The following ATRX variants were observed in gnomAD, a reference collection of about 807,000 sequenced individuals.
The protein encoded by ATRX is chromatin remodeler ATRX.
In ATRX, 12 loss-of-function variants were observed where a neutral mutation model predicts 172.6. The observed-to-expected ratio is 0.07, with a 90% confidence interval of 0.04 to 0.11. The LOEUF is 0.11. Among genes scored for constraint, ATRX ranks in the 10% least tolerant of loss-of-function variants. The probability of loss-of-function intolerance (pLI) is 1.00; values close to 1 mark genes in which losing one functional copy is unlikely to be tolerated. For synonymous variants in ATRX, 674 were observed against 594.7 expected, an observed-to-expected ratio of 1.13 and a Z score of -1.94; for missense variants, 1,368 against 1,767.4, an observed-to-expected ratio of 0.77 and a Z score of 4.05.
intron 2 of ATRX, among the ~76,000 whole-genome samples, chrX:77,702,157 A>T (rs2148698611): frequency 8.9e-6 from 1 of 112,551 alleles, no homozygotes; most frequent in African/African-American, 3.2e-5. Context: ...GAATTATTGG[A>T]ATAGGCTGGG....
At chrX:77,543,508 C>T (rs2064100146) in intron 30 of ATRX, among the ~76,000 whole-genome samples, 1 of 111,932 alleles carries the variant, frequency 8.9e-6, no homozygotes, top group Non-Finnish European at 1.9e-5. Flanking sequence ...TACATGCACA[C>T]ATATGTTTAT....
chrX:77,634,232 TAAAAAAA>T (rs144290953), intron 17 of ATRX, among the ~76,000 whole-genome samples: 42 of 54,071 alleles, frequency 7.8e-4, no homozygotes, highest in East Asian at 3.3e-3. Context: ...TTAAAAGTTG[TAAAAAAA>T]AAAAAAAAAA....
chrX:77,618,743 AAT>A, intron 21 of ATRX, 61 bp downstream of exon 21: 2 of 1,066,344 alleles, frequency 1.9e-6, no homozygotes, highest in African/African-American at 3.7e-5. Flanking sequence ...AAGCTCAGAA[AAT>A]ATGTTGGGAT....
intron 1 of ATRX, among the ~76,000 whole-genome samples, chrX:77,782,449 T>C (rs962385488): frequency 2.7e-5 from 3 of 112,509 alleles, no homozygotes; most frequent in Non-Finnish European, 5.6e-5. Flanking sequence ...CTGAAATCTT[T>C]ATATGCAAAT....
chrX:77,683,545 T>C lies in ATRX; in HGVS notation c.1711A>G (p.Arg571Gly). ...GTAGTTTTTGATTTAATACCTCCTC[T>C]GTTGTCTTTTGAAGAAATATTTAAT... Reference protein sequence around the residue: ...VKLNISSKDNRGGIKSKTTAK... With the variant: ...VKLNISSKDNGGGIKSKTTAK... The change falls in exon 9 of 35, where the codon AGA becomes GGA. Residue 571 changes from arginine to glycine, a missense_variant. Physicochemically the swap from Arg to Gly is moderately radical, Grantham distance 125. Around this residue, in one of 17 missense-constraint regions of ATRX, gnomAD observed 843 missense variants for 643.1 expected, o/e 1.31. Coordinates refer to ENST00000373344, the MANE Select transcript of ATRX (RefSeq NM_000489.6). 8.3e-7 allele frequency: 1 copy of C among 1,209,571 alleles called. No individual in the cohort carries two copies. Among genetic ancestry groups the C allele is most frequent in the Non-Finnish European group, 1.1e-6 (1 of 893,813 alleles).
At chrX:77,616,107 G>A (rs2067348849) in intron 22 of ATRX, 4 of 775,086 alleles carry the variant, frequency 5.2e-6, no homozygotes, top group Non-Finnish European at 6.1e-6. Flanking sequence ...AAATAAACTA[G>A]AAGGTCTTCA....
chrX:77,686,031 G>C (rs976964258), intron 7 of ATRX, among the ~76,000 whole-genome samples: 2 of 111,693 alleles, frequency 1.8e-5, no homozygotes, highest in Admixed American at 9.5e-5. Context: ...AGGATGTCAT[G>C]AAGGACAGTT....
intron 28 of ATRX, among the ~76,000 whole-genome samples, chrX:77,562,815 G>A (rs1557062654): frequency 2.7e-5 from 3 of 112,038 alleles, no homozygotes; most frequent in Non-Finnish European, 5.6e-5. Flanking sequence ...CCAAAGCCCT[G>A]GGATTGCAGG....
Position 77,682,333 on chromosome X carries a change from C to T in ATRX, c.2923G>A (p.Asp975Asn), listed in dbSNP as rs200709847. The T allele has an allele frequency of 3.5e-4, 423 of 1,204,772 alleles. No homozygotes were observed. The highest frequency in any genetic ancestry group is 2.8e-4 in the Non-Finnish European group (253 of 893,522). The stretch of plus-strand genomic sequence containing the variant: ...TTTTTATCATCTTCAGAAGTTTCAT[C>T]GCTCTGGTCTTTCTTTAGGAATTTC... ...AEKFLKKDQS[D>N]ETSEDDKKQS... is the part of the protein sequence containing the mutation. Residue 975 changes from aspartate (D) to asparagine (N), a missense_variant, in exon 9 of 35, where the codon GAT becomes AAT. This residue lies in a region of ATRX where 843 missense variants were observed against 643.1 expected (regional missense o/e 1.31). Transcript: ENST00000373344.
intron 1 of ATRX, among the ~76,000 whole-genome samples, chrX:77,717,788 A>T (rs1459488682): frequency 1.8e-5 from 2 of 111,193 alleles, no homozygotes; most frequent in African/African-American, 6.5e-5. Flanking sequence ...CAGAAGTTAA[A>T]CTTCATGTTA....
chrX:77,595,424 A>G (rs889511792), intron 25 of ATRX: 42 of 111,913 alleles, frequency 3.8e-4, no homozygotes, highest in African/African-American at 1.3e-3. Flanking sequence ...AGACTATATG[A>G]GTAATATAAA....
intron 3 of ATRX, 90 bp from the exon 4 acceptor site, chrX:77,697,725 G>A (rs1428447802): frequency 1.3e-6 from 1 of 743,974 alleles, no homozygotes; most frequent in Non-Finnish European, 2.0e-6. Context: ...CTTCAATACA[G>A]TGATATAATG....
At chrX:77,771,100 G>A (rs1006184680) in intron 1 of ATRX, among the ~76,000 whole-genome samples, 4 of 111,511 alleles carry the variant, frequency 3.6e-5, no homozygotes, top group South Asian at 3.8e-4. Flanking sequence ...TTTCTCGGCC[G>A]GGCGTGGTGG....
rs185236322 is a variant in ATRX, at chrX:77,704,809, C to T, written c.134-6180G>A. Among the ~76,000 whole-genome samples, 97 of 112,206 alleles carry T rather than the reference C, an allele frequency of 8.6e-4. 1 individual carries two copies. Among genetic ancestry groups the T allele is most frequent in the African/African-American group, 3.0e-3 (94 of 31,003 alleles). The stretch of plus-strand genomic sequence containing the variant: ...CCAATAGCAGGGTGAAGCCAGGCAG[C>T]AGGAGCAGGCACTCCCAAGCCTATG... On this transcript the variant is annotated intron_variant, in intron 2 of 34. Transcript: ENST00000373344.
intron 12 of ATRX, among the ~76,000 whole-genome samples, chrX:77,661,591 T>C (rs2069910520): frequency 9.0e-6 from 1 of 111,149 alleles, no homozygotes; most frequent in Non-Finnish European, 1.9e-5. Flanking sequence ...CATCCATGGG[T>C]TGGGTACTAA....
intron 1 of ATRX, among the ~76,000 whole-genome samples, chrX:77,762,151 A>C (rs1200695729): frequency 5.5e-5 from 6 of 109,003 alleles, no homozygotes; most frequent in African/African-American, 2.0e-4. Flanking sequence ...AAATACAAAA[A>C]AAATTAGCCA....
chrX:77,637,814 G>A (rs1429203285), intron 15 of ATRX, among the ~76,000 whole-genome samples: 2 of 106,641 alleles, frequency 1.9e-5, no homozygotes, highest in African/African-American at 6.8e-5. Context: ...GGTGGCGGGC[G>A]CCTGTAATCC....
At position 77,768,749 on chromosome X, in the gene ATRX, C is replaced by CATTATAATAATA. The variant is rs782250939; in HGVS notation, c.20+17232_20+17233insTATTATTATAAT. On this transcript the variant is annotated intron_variant, in intron 1 of 34. Coordinates refer to ENST00000373344, the MANE Select transcript of ATRX (RefSeq NM_000489.6). ...ACTTCTTAGAGGGCAAAACACTATC[C>CATTATAATAATA]ATACCATTATAATAATAACATTAAA... 1.0e-3 allele frequency among the ~76,000 whole-genome samples: 113 copies of CATTATAATAATA among 111,804 alleles called. 2 individuals are homozygous for CATTATAATAATA. The East Asian group carries it at 0.03, about 30-fold the overall frequency.
intron 2 of ATRX, among the ~76,000 whole-genome samples, chrX:77,706,385 T>C (rs2072824967): frequency 1.8e-5 from 2 of 110,786 alleles, no homozygotes. Flanking sequence ...CTACAAAAAA[T>C]GAAGCTGGAC....
Sources: allele counts gnomAD v4.1 joint callset (sites outside exome capture counted in the v4.1 genomes callset), GRCh38; gene constraint gnomAD v4.1.1; regional missense constraint gnomAD v4.1.1; transcripts MANE v1.5; gene names NCBI Gene and HGNC (gene_info 2026-07-23, HGNC 2026-07-21).